SPRY3: variants seen among roughly 807,000 people sequenced by gnomAD.
SPRY3 encodes sprouty RTK signaling antagonist 3.
SPRY3 carries 15 observed loss-of-function variants against 20.2 expected under a neutral mutation model. The ratio of observed to expected loss-of-function variants is 0.74; its 90% CI spans 0.50 to 1.14. SPRY3 has a LOEUF of 1.14. Among genes scored for constraint, SPRY3 ranks in the 50% most tolerant of loss-of-function variants. The pLI is 0.00. For synonymous variants in SPRY3, 143 were observed against 136.5 expected, an observed-to-expected ratio of 1.05 and a Z score of -0.33; for missense variants, 364 against 363.9, an observed-to-expected ratio of 1.00 and a Z score of 0.00.
Position 155,689,638 on chromosome X carries a change from G to A in SPRY3, c.-282+32613G>A, listed in dbSNP as rs1413779215. 2.3e-5 allele frequency among the ~76,000 whole-genome samples: 2 copies of A among 86,126 alleles called. 1 individual carries two copies. The highest frequency in any genetic ancestry group is 1.1e-4 in the African/African-American group (2 of 17,776). The allele number at this position is 86,126 out of a possible 115,157, so 74.8% of individuals were successfully genotyped here. On this transcript the variant is annotated intron_variant, in intron 2 of 3. Coordinates refer to ENST00000675360, the Ensembl canonical transcript of SPRY3. ...GTTCATAATATCCCAGCGATTCTTT[G>A]TATTTCTGTGGGGTCAGTGGTAATA...
At position 155,689,595 on chromosome X, in the gene SPRY3, G is replaced by C. The variant is rs1348838261; in HGVS notation, c.-282+32570G>C. On this transcript the variant is annotated intron_variant, in intron 2 of 3. Transcript: ENST00000675360. ...TTATCAATTTCTTCCAGATTTTCTA[G>C]TTTATGTGTATAGAGGTGTTCATAA... 2.3e-5 allele frequency among the ~76,000 whole-genome samples: 2 copies of C among 86,713 alleles called. 1 individual carries two copies. Among genetic ancestry groups the C allele is most frequent in the African/African-American group, 1.1e-4 (2 of 17,916 alleles). 75.3% of individuals were successfully genotyped at this position (86,713 alleles called of 115,157 possible).
intron 2 of SPRY3, among the ~76,000 whole-genome samples, chrX:155,738,306 T>G (rs1438565132): frequency 6.6e-6 from 1 of 151,902 alleles, no homozygotes. Flanking sequence ...ATAGATAATT[T>G]GTTTCCACAA....
intron 2 of SPRY3, among the ~76,000 whole-genome samples, chrX:155,711,882 A>G (rs2090989562): frequency 6.6e-6 from 1 of 151,288 alleles, no homozygotes; most frequent in South Asian, 2.1e-4. Context: ...TGTATCCCTT[A>G]GGTTTTGGTA....
chrX:155,758,675 A>G (rs1017921388), intron 2 of SPRY3, among the ~76,000 whole-genome samples: 1 of 152,124 alleles, frequency 6.6e-6, no homozygotes, highest in African/African-American at 2.4e-5. Context: ...GGAGAAAGAG[A>G]ATGAGGAAAG....
intron 1 of SPRY3, among the ~76,000 whole-genome samples, chrX:155,648,471 T>G (rs1408144284): frequency 6.2e-5 from 7 of 112,935 alleles, no homozygotes; most frequent in African/African-American, 2.2e-4. Flanking sequence ...GAGTTAATTT[T>G]TGTATAATGT....
chrX:155,725,278 C>A (rs1293067880), intron 2 of SPRY3, among the ~76,000 whole-genome samples: 1 of 152,078 alleles, frequency 6.6e-6, no homozygotes, highest in Non-Finnish European at 1.5e-5. Flanking sequence ...GTCTAAAATT[C>A]TCTTTTTTGT....
At chrX:155,703,933 C>T (rs2090929436) in intron 2 of SPRY3, among the ~76,000 whole-genome samples, 1 of 151,832 alleles carries the variant, frequency 6.6e-6, no homozygotes, top group African/African-American at 2.4e-5. Context: ...TGGTGGTTCA[C>T]TGATGGTAAC....
chrX:155,707,695 C>T (rs1390676300), intron 2 of SPRY3, among the ~76,000 whole-genome samples: 1 of 151,076 alleles, frequency 6.6e-6, no homozygotes, highest in South Asian at 2.1e-4. Context: ...AATACTCTTT[C>T]TTGTCTTAAA....
At chrX:155,618,968 C>T (rs1280813738) in intron 1 of SPRY3, among the ~76,000 whole-genome samples, 2 of 110,970 alleles carry the variant, frequency 1.8e-5, no homozygotes, top group Non-Finnish European at 3.8e-5. Context: ...ATGTGGTTTA[C>T]AAGTATTTTC....
At position 155,622,195 on chromosome X, in the gene SPRY3, G is replaced by A. The variant is rs142972198; in HGVS notation, c.-441+9548G>A. On this transcript the variant is annotated intron_variant, in intron 1 of 3. Coordinates refer to ENST00000675360, the Ensembl canonical transcript of SPRY3. Reference sequence around the variant, plus strand: ...TAAAATATATGTGATGCAAAGTATAGTAACTTTCAGAGGACTAACAAGAAA... The same window carrying A: ...TAAAATATATGTGATGCAAAGTATAATAACTTTCAGAGGACTAACAAGAAA... Among the ~76,000 whole-genome samples the A allele has an allele frequency of 7.0e-3, 785 of 112,288 alleles. 6 individuals carry two copies. The highest frequency in any genetic ancestry group is 0.024 in the African/African-American group (744 of 30,932).
intron 2 of SPRY3, among the ~76,000 whole-genome samples, chrX:155,695,868 A>T (rs1038036986): frequency 9.0e-6 from 1 of 110,709 alleles, no homozygotes; most frequent in Non-Finnish European, 1.9e-5. Context: ...TTCTTTCATT[A>T]ATTTAATATA....
At chrX:155,726,706 A>G (rs1639335750) in intron 2 of SPRY3, among the ~76,000 whole-genome samples, 1 of 152,134 alleles carries the variant, frequency 6.6e-6, no homozygotes. Context: ...CTTTGAGCCT[A>G]TGTGTGTCTC....
intron 1 of SPRY3, among the ~76,000 whole-genome samples, chrX:155,637,194 TA>T (rs1330071520): frequency 3.1e-4 from 34 of 110,221 alleles, no homozygotes; most frequent in Non-Finnish European, 2.8e-4. Flanking sequence ...TAATAATTAA[TA>T]AAAAAATTAA....
intron 2 of SPRY3, among the ~76,000 whole-genome samples, chrX:155,733,680 C>T (rs1277906691): frequency 6.6e-6 from 1 of 152,042 alleles, no homozygotes; most frequent in Non-Finnish European, 1.5e-5. Context: ...CAGGCATTGA[C>T]TTCTCTCTAG....
At chrX:155,615,006 T>C (rs1389102472) in intron 1 of SPRY3, among the ~76,000 whole-genome samples, 1 of 111,848 alleles carries the variant, frequency 8.9e-6, no homozygotes, top group Non-Finnish European at 1.9e-5. Context: ...TCCCTCACTG[T>C]ACTGCTAACA....
intron 2 of SPRY3, among the ~76,000 whole-genome samples, chrX:155,723,128 C>A (rs2091072590): frequency 6.6e-6 from 1 of 152,140 alleles, no homozygotes. Context: ...TTTTTTATGG[C>A]TGCATAGTAT....
At chrX:155,619,425 T>A (rs2067864336) in intron 1 of SPRY3, among the ~76,000 whole-genome samples, 1 of 111,054 alleles carries the variant, frequency 9.0e-6, no homozygotes, top group Admixed American at 9.7e-5. Flanking sequence ...TGCTGTCTTA[T>A]TACTTTAATT....
At chrX:155,723,070 A>G (rs2091071807) in intron 2 of SPRY3, among the ~76,000 whole-genome samples, 1 of 152,040 alleles carries the variant, frequency 6.6e-6, no homozygotes, top group South Asian at 2.1e-4. Flanking sequence ...GCTCAGAATG[A>G]TGGTTTCCAG....
chrX:155,744,780 T>C (rs1160128508), intron 2 of SPRY3, among the ~76,000 whole-genome samples: 1 of 152,024 alleles, frequency 6.6e-6, no homozygotes, highest in Non-Finnish European at 1.5e-5. Flanking sequence ...CTTAGCAAAC[T>C]CCTTTTGTTT....
Sources: allele counts gnomAD v4.1 joint callset (sites outside exome capture counted in the v4.1 genomes callset), GRCh38; gene constraint gnomAD v4.1.1; transcripts MANE v1.5; gene names NCBI Gene and HGNC (gene_info 2026-07-23, HGNC 2026-07-21).